SDCCAG8: variants seen among roughly 807,000 people sequenced by gnomAD.
The protein encoded by SDCCAG8 is serologically defined colon cancer antigen 8.
A neutral mutation model predicts 101.8 loss-of-function variants in SDCCAG8; 74 were observed. The ratio of observed to expected loss-of-function variants is 0.73; its 90% confidence interval spans 0.60 to 0.88. The LOEUF (loss-of-function observed/expected upper bound fraction) is 0.88, where lower values mean the gene tolerates loss of function less well. Ranked by LOEUF, SDCCAG8 falls within the 40% of genes least tolerant of loss-of-function variation. The pLI, the probability that SDCCAG8 is intolerant of heterozygous loss-of-function variation, is 0.00. For synonymous variants in SDCCAG8, 281 were observed against 292.9 expected (o/e 0.96, Z 0.41); for missense variants, 787 against 822.6 (o/e 0.96, Z 0.53).
chr1:243,270,503 G>A (rs1057316485), intron 2 of SDCCAG8, among the ~76,000 whole-genome samples: 5 of 151,990 alleles, frequency 3.3e-5, no homozygotes, highest in Admixed American at 2.6e-4. Flanking sequence ...CTGCCTCTTC[G>A]GCTCATCTTT....
chr1:243,457,061 A>G (rs1326949574), intron 16 of SDCCAG8, among the ~76,000 whole-genome samples: 1 of 152,200 alleles, frequency 6.6e-6, no homozygotes, highest in Non-Finnish European at 1.5e-5. Flanking sequence ...ACTCGTAGGT[A>G]TTTATCACGC....
chr1:243,364,715 C>T (rs2076899780), intron 12 of SDCCAG8, among the ~76,000 whole-genome samples: 1 of 152,070 alleles, frequency 6.6e-6, no homozygotes, highest in Non-Finnish European at 1.5e-5. Flanking sequence ...ACTGGAAAAA[C>T]ATTTGAGGTT....
At chr1:243,453,254 C>T (rs34297271) in intron 16 of SDCCAG8, among the ~76,000 whole-genome samples, 20,910 of 151,944 alleles carry the variant, frequency 0.14, 1,535 homozygotes, top group Non-Finnish European at 0.15. Flanking sequence ...TGTCTCCATC[C>T]CACCGGCTGT....
intron 13 of SDCCAG8, among the ~76,000 whole-genome samples, chr1:243,396,460 G>T (rs1278690163): frequency 6.6e-6 from 1 of 152,076 alleles, no homozygotes; most frequent in Non-Finnish European, 1.5e-5. Context: ...AAGCAGTAAT[G>T]GAGCTGTGTG....
chr1:243,446,672 C>G (rs2082930250), intron 16 of SDCCAG8, among the ~76,000 whole-genome samples: 1 of 152,196 alleles, frequency 6.6e-6, no homozygotes, highest in Non-Finnish European at 1.5e-5. Flanking sequence ...AGCCTCACCC[C>G]ACCCAGAAGC....
intron 6 of SDCCAG8, among the ~76,000 whole-genome samples, chr1:243,300,009 C>T (rs372638646): frequency 2.0e-5 from 3 of 151,910 alleles, no homozygotes; most frequent in South Asian, 2.1e-4. Flanking sequence ...GTAATATAGG[C>T]GCATGCCACC....
chr1:243,317,043 T>A, intron 9 of SDCCAG8, 150 bp downstream of exon 9: 2 of 841,216 alleles, frequency 2.4e-6, no homozygotes, highest in Non-Finnish European at 3.7e-6. Flanking sequence ...TTTTCTGAAT[T>A]AAACAAATTT....
chr1:243,408,230 C>T (rs980258007), intron 13 of SDCCAG8, among the ~76,000 whole-genome samples: 2 of 152,184 alleles, frequency 1.3e-5, no homozygotes, highest in Non-Finnish European at 1.5e-5. Context: ...ATTGACCACA[C>T]AACTGTGTAC....
chr1:243,398,488 T>A (rs2079161388), intron 13 of SDCCAG8, among the ~76,000 whole-genome samples: 1 of 152,200 alleles, frequency 6.6e-6, no homozygotes, highest in African/African-American at 2.4e-5. Flanking sequence ...CAAAATGTAC[T>A]TTTTTCTCCC....
intron 6 of SDCCAG8, among the ~76,000 whole-genome samples, chr1:243,302,274 C>T (rs571617714): frequency 1.8e-4 from 28 of 151,746 alleles, no homozygotes; most frequent in Middle Eastern, 3.2e-3. Flanking sequence ...AAAAAAAGGA[C>T]GAAAATTATT....
At chr1:243,308,688 C>G (rs994066506) in intron 8 of SDCCAG8, among the ~76,000 whole-genome samples, 1 of 152,158 alleles carries the variant, frequency 6.6e-6, no homozygotes, top group Non-Finnish European at 1.5e-5. Context: ...TAACTGAGAA[C>G]AAGTTACAGA....
chr1:243,320,968 C>A (rs1390023262), intron 9 of SDCCAG8, among the ~76,000 whole-genome samples: 1 of 152,102 alleles, frequency 6.6e-6, no homozygotes, highest in Admixed American at 6.5e-5. Flanking sequence ...TTCGATGTAC[C>A]CTTTATATGC....
chr1:243,462,598 A>T (rs1159870150), intron 16 of SDCCAG8, among the ~76,000 whole-genome samples: 1 of 152,172 alleles, frequency 6.6e-6, no homozygotes, highest in Non-Finnish European at 1.5e-5. Flanking sequence ...CTCAGAAAAT[A>T]TTTGCTGAGC....
chr1:243,447,865 A>G (rs896017618), intron 16 of SDCCAG8, among the ~76,000 whole-genome samples: 5 of 152,222 alleles, frequency 3.3e-5, no homozygotes, highest in South Asian at 2.1e-4. Flanking sequence ...AAGAGCTACA[A>G]ACTTCCCTGT....
intron 17 of SDCCAG8, among the ~76,000 whole-genome samples, chr1:243,491,820 AG>A (rs917196004): frequency 6.6e-6 from 1 of 152,132 alleles, no homozygotes; most frequent in Non-Finnish European, 1.5e-5. Context: ...TGGGCAGCTG[AG>A]GGTTAGAGCT....
intron 16 of SDCCAG8, among the ~76,000 whole-genome samples, chr1:243,480,306 GGGAT>G (rs1663218723): frequency 7.5e-6 from 1 of 133,290 alleles, no homozygotes; most frequent in African/African-American, 3.3e-5. Flanking sequence ...ATGGATGAGT[GGGAT>G]GGATGGATGG....
chr1:243,280,984 G>A (rs1176437901), intron 4 of SDCCAG8, among the ~76,000 whole-genome samples: 2 of 152,112 alleles, frequency 1.3e-5, no homozygotes, highest in African/African-American at 2.4e-5. Flanking sequence ...TTTGACAGGG[G>A]ATGTTGAAAT....
chr1:243,330,440 GT>G (rs2074504835), intron 9 of SDCCAG8, 99 bp from the exon 10 acceptor site: 2 of 1,227,902 alleles, frequency 1.6e-6, no homozygotes. Context: ...TTTATAGTGA[GT>G]TTTTGCTATT....
At chr1:243,425,546 C>T (rs1441436576) in intron 15 of SDCCAG8, among the ~76,000 whole-genome samples, 1 of 151,916 alleles carries the variant, frequency 6.6e-6, no homozygotes, top group Admixed American at 6.6e-5. Context: ...CAGGAGTCTT[C>T]AGAAAACAAT....
Sources: allele counts gnomAD v4.1 joint callset (sites outside exome capture counted in the v4.1 genomes callset), GRCh38; gene constraint gnomAD v4.1.1; transcripts MANE v1.5; gene names NCBI Gene and HGNC (gene_info 2026-07-23, HGNC 2026-07-21).